COG3: variants seen among roughly 807,000 people sequenced by gnomAD.
The protein encoded by COG3 is conserved oligomeric Golgi complex subunit 3.
Under a neutral mutation model 114.1 loss-of-function variants are expected in COG3, and 32 were observed. That is an observed-to-expected ratio of 0.28 (90% CI 0.21 to 0.38). The LOEUF is 0.38. Ranked by LOEUF, COG3 falls within the 10% of genes least tolerant of loss-of-function variation. The pLI, the probability that COG3 is intolerant of heterozygous loss-of-function variation, is 1.00. For missense variants in COG3, 813 were observed against 973.2 expected (o/e 0.84, Z 2.19); for synonymous variants, 352 against 365.7 (o/e 0.96, Z 0.43).
intron 22 of COG3, 157 bp from the exon 23 acceptor site, chr13:45,534,545 T>G (rs1873425562): frequency 6.9e-6 from 3 of 431,698 alleles, no homozygotes; most frequent in Non-Finnish European, 1.2e-5. Flanking sequence ...TCAACTTTTA[T>G]TTTAGATTCA....
chr13:45,525,303 G>C (rs1249148046), intron 20 of COG3, among the ~76,000 whole-genome samples: 1 of 151,866 alleles, frequency 6.6e-6, no homozygotes, highest in East Asian at 1.9e-4. Context: ...ATATGGCTAA[G>C]ATGGAAACCC....
intron 15 of COG3, among the ~76,000 whole-genome samples, chr13:45,510,307 G>T (rs1407353260): frequency 2.0e-5 from 3 of 152,160 alleles, no homozygotes; most frequent in Non-Finnish European, 4.4e-5. Context: ...GCTGGGCTTT[G>T]TGCTTATAGA....
Position 45,495,671 on chromosome 13 carries a change from C to T in COG3, c.1328-481C>T, listed in dbSNP as rs1279724414. Among the ~76,000 whole-genome samples, 6 of 152,260 alleles carry T rather than the reference C, an allele frequency of 3.9e-5. No individual in the cohort carries two copies. The South Asian group carries it at 1.0e-3, about 26-fold the overall frequency. On this transcript the variant is annotated intron_variant, in intron 12 of 22. Coordinates refer to ENST00000349995, the MANE Select transcript of COG3 (RefSeq NM_031431.4). ...CTGGGATTATAGGTGTGAGCCACTG[C>T]GCCTTGCTGATGGCATCTTAGAAAT...
At chr13:45,492,494 A>G (rs1307298564) in intron 11 of COG3, among the ~76,000 whole-genome samples, 1 of 152,176 alleles carries the variant, frequency 6.6e-6, no homozygotes, top group Non-Finnish European at 1.5e-5. Context: ...GTGTGATAGG[A>G]AGAAATCTAT....
At chr13:45,515,299 G>A (rs73185731) in intron 16 of COG3, among the ~76,000 whole-genome samples, 3,241 of 152,178 alleles carry the variant, frequency 0.021, 73 homozygotes, top group Non-Finnish European at 0.024. Flanking sequence ...AGACTGGGAA[G>A]GAATCTTCAT....
chr13:45,481,155 A>G, intron 4 of COG3, 75 bp from the exon 5 acceptor site: 1 of 772,324 alleles, frequency 1.3e-6, no homozygotes, highest in Non-Finnish European at 2.3e-6. Context: ...AAATCTGTTT[A>G]GTGTAACTTT....
rs143873378 is a variant in COG3, at chr13:45,514,928, G to A, written c.1810-1215G>A. 8.9e-4 allele frequency among the ~76,000 whole-genome samples: 135 copies of A among 152,234 alleles called. 2 individuals are homozygous for A. The East Asian group carries it at 0.025, about 28-fold the overall frequency. ...CTCCCAAAGTGCTGGGATCACAGGC[G>A]TGAGCCACCGCGCCTGGCCAAGCTT... On this transcript the variant is annotated intron_variant, in intron 16 of 22. Transcript: ENST00000349995.
rs1469631750 is a variant in COG3, at chr13:45,465,010, CT to C, written c.-26del. On this transcript the variant is annotated 5_prime_UTR_variant, in exon 1 of 23. Coordinates refer to ENST00000349995, the MANE Select transcript of COG3 (RefSeq NM_031431.4). ...TGTCGGGGTCCCCTCCATCTCGCTG[CT>C]GCTGAAGGCCGCGAGGGCGGCGGCG... 1 of 1,547,420 alleles carries C rather than the reference CT, an allele frequency of 6.5e-7. No individual in the cohort carries two copies. The highest frequency in any genetic ancestry group is 8.7e-7 in the Non-Finnish European group (1 of 1,147,598).
intron 20 of COG3, 83 bp from the exon 21 acceptor site, chr13:45,529,708 C>T: frequency 2.1e-6 from 2 of 974,114 alleles, no homozygotes; most frequent in Non-Finnish European, 2.9e-6. Flanking sequence ...CTATTTTTTT[C>T]TCCCTTTATT....
intron 1 of COG3, 114 bp downstream of exon 1, chr13:45,465,324 C>A: frequency 1.4e-6 from 2 of 1,430,944 alleles, no homozygotes; most frequent in Admixed American, 2.8e-5. Context: ...CCACTCCTCC[C>A]TGGCCATGGT....
chr13:45,498,697 C>T (rs992870853), intron 13 of COG3, among the ~76,000 whole-genome samples: 2 of 148,426 alleles, frequency 1.3e-5, no homozygotes, highest in Non-Finnish European at 3.0e-5. Context: ...ATCTTTATGT[C>T]TTATCCTGTG....
intron 19 of COG3, among the ~76,000 whole-genome samples, chr13:45,523,636 T>C (rs1352897535): frequency 6.6e-6 from 1 of 152,202 alleles, no homozygotes; most frequent in Admixed American, 6.5e-5. Flanking sequence ...GTTTTTAACA[T>C]AAAAATACTT....
chr13:45,518,324 A>C (rs933788648), intron 17 of COG3, among the ~76,000 whole-genome samples: 4 of 152,234 alleles, frequency 2.6e-5, no homozygotes, highest in Non-Finnish European at 5.9e-5. Context: ...TTAAGGGGTA[A>C]ATACGTCCTT....
At chr13:45,493,243 A>T (rs888658792) in intron 11 of COG3, 104 bp from the exon 12 acceptor site, 21 of 854,544 alleles carry the variant, frequency 2.5e-5, no homozygotes, top group South Asian at 1.8e-5. Flanking sequence ...TCCAGTAGAT[A>T]CTTATTGTTC....
Position 45,465,145 on chromosome 13 carries a change from G to T in COG3, c.109G>T (p.Asp37Tyr). The T allele has an allele frequency of 6.2e-7, 1 of 1,613,482 alleles. No homozygotes were observed. Among genetic ancestry groups the T allele is most frequent in the Non-Finnish European group, 8.5e-7 (1 of 1,179,890 alleles). Residue 37 changes from aspartate (D) to tyrosine (Y), a missense_variant, in exon 1 of 23, where the codon GAC (aspartate) becomes TAC (tyrosine). Transcript: ENST00000349995. Reference protein sequence around the residue: ...RRPDTTAPLTDRQTDSVLELK... With the variant: ...RRPDTTAPLTYRQTDSVLELK... ...ACCGGACACGACGGCGCCGCTGACCGACAGGCAGACGGACTCGGTATTGGA... is the reference window on the plus strand; with the variant it reads ...ACCGGACACGACGGCGCCGCTGACCTACAGGCAGACGGACTCGGTATTGGA...
At position 45,529,802 on chromosome 13, in the gene COG3, G is replaced by A. The variant is rs1873009152; in HGVS notation, c.2242G>A (p.Asp748Asn). ...TACTTTATTTCCAGCAAAGGTCAATGACCTTGCGGCAACTGCATATAAGAC... is the reference window on the plus strand; with the variant it reads ...TACTTTATTTCCAGCAAAGGTCAATAACCTTGCGGCAACTGCATATAAGAC... ...QPWAQPAKVN[D>N]LAATAYKTIK... Residue 748 changes from aspartate to asparagine, a missense_variant, in exon 21 of 23, where the codon GAC (aspartate) becomes AAC (asparagine). Transcript: ENST00000349995. 1 of 1,610,404 alleles carries A rather than the reference G, an allele frequency of 6.2e-7. No individual in the cohort carries two copies. Among genetic ancestry groups the A allele is most frequent in the African/African-American group, 1.3e-5 (1 of 74,884 alleles).
At chr13:45,532,836 C>T (rs1873288562) in intron 22 of COG3, among the ~76,000 whole-genome samples, 1 of 151,954 alleles carries the variant, frequency 6.6e-6, no homozygotes, top group African/African-American at 2.4e-5. Context: ...GGATTACAGG[C>T]GTGAGCCACC....
Position 45,492,203 on chromosome 13 carries a change from A to G in COG3, c.1140A>G (p.Glu380=). ...CAFMVHVCQD[E]HQLYNEFFTK... is the part of the protein sequence containing the mutation. Reference sequence around the variant, plus strand: ...TCATGGTTCATGTCTGCCAGGATGAACACCAACTTTACAATGAATTTTTCA... The same window carrying G: ...TCATGGTTCATGTCTGCCAGGATGAGCACCAACTTTACAATGAATTTTTCA... Residue 380 remains glutamate (E), a synonymous_variant, in exon 11 of 23, where the codon GAA becomes GAG. Coordinates refer to ENST00000349995, the MANE Select transcript of COG3 (RefSeq NM_031431.4). 6.2e-7 allele frequency: 1 copy of G among 1,610,522 alleles called. No individual in the cohort carries two copies.
intron 20 of COG3, among the ~76,000 whole-genome samples, chr13:45,525,577 A>G (rs896376669): frequency 7.3e-5 from 6 of 82,010 alleles, no homozygotes; most frequent in African/African-American, 1.7e-4. Flanking sequence ...TGTATTTGAG[A>G]TGTTCCCAGT....
Sources: allele counts gnomAD v4.1 joint callset (sites outside exome capture counted in the v4.1 genomes callset), GRCh38; gene constraint gnomAD v4.1.1; transcripts MANE v1.5; gene names NCBI Gene and HGNC (gene_info 2026-07-23, HGNC 2026-07-21).